Variants in RANBP17 observed in about 807,000 individuals in gnomAD.
The protein encoded by RANBP17 is RAN binding protein 17.
A neutral mutation model predicts 141.2 loss-of-function variants in RANBP17; 158 were observed. That is an observed-to-expected ratio of 1.12 (90% CI 0.98 to 1.28). The LOEUF (loss-of-function observed/expected upper bound fraction) is 1.28, where lower values mean the gene tolerates loss of function less well. Among genes scored for constraint, RANBP17 ranks in the 50% most tolerant of loss-of-function variants. The probability of loss-of-function intolerance (pLI) is 0.00; values close to 1 mark genes in which losing one functional copy is unlikely to be tolerated. For synonymous variants in RANBP17, 430 were observed against 450.0 expected, an observed-to-expected ratio of 0.96 and a Z score of 0.56; for missense variants, 1,438 against 1,290.7, an observed-to-expected ratio of 1.11 and a Z score of -1.75.
chr5:171,138,104 G>C lies in RANBP17; in HGVS notation c.1711-32026G>C, dbSNP rs562685174. Among the ~76,000 whole-genome samples the C allele has an allele frequency of 4.5e-4, 69 of 152,106 alleles. 1 individual carries two copies. The highest frequency in any genetic ancestry group is 8.7e-4 in the Non-Finnish European group (59 of 67,992). On this transcript the variant is annotated intron_variant, in intron 14 of 27. Transcript: ENST00000523189. ...ATAAAGAATGAACTAGATTGCCCTT[G>C]AGAACTTTTTAGACCCAAATTCTAG... is the stretch of plus-strand genomic sequence containing the variant.
chr5:171,286,441 T>C (rs1768176043), intron 25 of RANBP17, among the ~76,000 whole-genome samples: 2 of 152,274 alleles, frequency 1.3e-5, no homozygotes, highest in Admixed American at 6.5e-5. Flanking sequence ...AAATGCTAAA[T>C]ACTTTTATTA....
At chr5:171,232,533 T>C (rs867845243) in intron 22 of RANBP17, among the ~76,000 whole-genome samples, 48 of 152,146 alleles carry the variant, frequency 3.2e-4, no homozygotes, top group African/African-American at 1.1e-3. Context: ...AATATACCCA[T>C]GGGGGGGAAA....
rs547423154 is a variant in RANBP17 at position 171,089,788 on chromosome 5, G to A, written c.1711-80342G>A. Among the ~76,000 whole-genome samples the A allele has an allele frequency of 3.3e-3, 508 of 152,092 alleles. 2 individuals are homozygous for A. The highest frequency in any genetic ancestry group is 5.6e-3 in the Non-Finnish European group (378 of 67,954). ...ACTCCCTGACCCCTTGCACTTCCCA[G>A]GTGAGGCAATGCCTCGCCCTGCTTA... On this transcript the variant is annotated intron_variant, in intron 14 of 27. Coordinates refer to ENST00000523189, the MANE Select transcript of RANBP17 (RefSeq NM_022897.5).
intron 14 of RANBP17, among the ~76,000 whole-genome samples, chr5:171,017,324 G>A (rs1780509630): frequency 6.6e-6 from 1 of 152,174 alleles, no homozygotes; most frequent in African/African-American, 2.4e-5. Context: ...TTGAGAAATT[G>A]CCATACTGTC....
At chr5:170,984,319 A>C (rs967363230) in intron 14 of RANBP17, among the ~76,000 whole-genome samples, 3 of 152,132 alleles carry the variant, frequency 2.0e-5, no homozygotes, top group African/African-American at 7.2e-5. Flanking sequence ...TCATGGAATA[A>C]AATATTCTAA....
At chr5:171,018,223 G>C (rs1458727574) in intron 14 of RANBP17, among the ~76,000 whole-genome samples, 2 of 152,222 alleles carry the variant, frequency 1.3e-5, no homozygotes, top group African/African-American at 2.4e-5. Flanking sequence ...GCTTAAGATT[G>C]TCTTGGCTAT....
intron 14 of RANBP17, among the ~76,000 whole-genome samples, chr5:171,142,270 C>G (rs1381165075): frequency 6.6e-6 from 1 of 152,084 alleles, no homozygotes; most frequent in African/African-American, 2.4e-5. Flanking sequence ...TAAGACTGGT[C>G]TCTTTTTCAT....
intron 14 of RANBP17, among the ~76,000 whole-genome samples, chr5:170,989,373 A>C (rs1270846222): frequency 6.6e-6 from 1 of 151,792 alleles, no homozygotes; most frequent in African/African-American, 2.4e-5. Flanking sequence ...AACATAAGTC[A>C]TAATAGCTAC....
At position 170,866,397 on chromosome 5, in the gene RANBP17, G is replaced by A. The variant is rs147442307; in HGVS notation, c.18+4346G>A. On this transcript the variant is annotated intron_variant, in intron 1 of 27. Transcript: ENST00000523189. ...ACTGAGAAGAAGGGACACTTAGGCC[G>A]GGCATGGTGGCTCACGCCTGTAATC... 9.4e-3 allele frequency among the ~76,000 whole-genome samples: 1,430 copies of A among 152,222 alleles called. 9 individuals carry two copies. Among genetic ancestry groups the A allele is most frequent in the Non-Finnish European group, 0.01 (691 of 68,014 alleles).
At chr5:171,227,596 A>G (rs535322050) in intron 22 of RANBP17, among the ~76,000 whole-genome samples, 38 of 152,354 alleles carry the variant, frequency 2.5e-4, no homozygotes, top group African/African-American at 8.2e-4. Flanking sequence ...GCTAAGATTC[A>G]TTTTGATGAA....
chr5:171,060,457 G>T (rs963426451), intron 14 of RANBP17, among the ~76,000 whole-genome samples: 2 of 151,816 alleles, frequency 1.3e-5, no homozygotes, highest in Non-Finnish European at 2.9e-5. Flanking sequence ...TTATATGCTG[G>T]ATTACATTTA....
In RANBP17 at chr5:171,241,000, T is replaced by G. The variant is rs1159763244; in HGVS notation, c.2495T>G (p.Ile832Ser). 1 of 1,614,032 alleles carries G rather than the reference T, an allele frequency of 6.2e-7. No individual in the cohort carries two copies. Among genetic ancestry groups the G allele is most frequent in the East Asian group, 2.2e-5 (1 of 44,870 alleles). Residue 832 changes from isoleucine (I) to serine (S), a missense_variant, in exon 23 of 28, where the codon ATC becomes AGC. Transcript: ENST00000523189. Reference protein sequence around the residue: ...IYPMKLKGISICYSALKSALC... With the variant: ...IYPMKLKGISSCYSALKSALC... ...CCAATGAAACTCAAGGGCATCTCCA[T>G]CTGCTATTCAGCTCTCAAGTCTGCC...
At chr5:170,953,776 G>T (rs919094356) in intron 13 of RANBP17, 74 bp downstream of exon 13, 2 of 941,014 alleles carry the variant, frequency 2.1e-6, no homozygotes, top group South Asian at 2.9e-5. Flanking sequence ...CTAGTATTAT[G>T]AGTGAAGACA....
chr5:171,104,095 T>A (rs778996461), intron 14 of RANBP17, among the ~76,000 whole-genome samples: 10 of 152,350 alleles, frequency 6.6e-5, no homozygotes, highest in Non-Finnish European at 4.4e-5. Flanking sequence ...TGAAGTGCAA[T>A]GGCACAATCT....
chr5:171,293,776 T>A, intron 25 of RANBP17, 107 bp from the exon 26 acceptor site: 1 of 819,786 alleles, frequency 1.2e-6, no homozygotes, highest in South Asian at 1.5e-5. Flanking sequence ...AGAGCTTTCA[T>A]AGCTGTTAGC....
intron 14 of RANBP17, among the ~76,000 whole-genome samples, chr5:171,063,639 G>T (rs961655906): frequency 6.6e-6 from 1 of 152,214 alleles, no homozygotes; most frequent in African/African-American, 2.4e-5. Flanking sequence ...GAGGCAGTCT[G>T]CCCGTTCTCA....
chr5:170,957,584 C>A (rs1304636962), intron 13 of RANBP17, among the ~76,000 whole-genome samples: 2 of 152,186 alleles, frequency 1.3e-5, no homozygotes, highest in Admixed American at 6.5e-5. Flanking sequence ...TGCCTTGTTT[C>A]AGCTCTTGTA....
At chr5:171,192,431 T>G (rs1163061425) in intron 18 of RANBP17, among the ~76,000 whole-genome samples, 2 of 152,134 alleles carry the variant, frequency 1.3e-5, no homozygotes, top group Non-Finnish European at 2.9e-5. Flanking sequence ...ATGAGACTTT[T>G]AGGGTGGGAT....
chr5:170,870,250 C>T (rs1479246582), intron 1 of RANBP17, among the ~76,000 whole-genome samples: 1 of 152,046 alleles, frequency 6.6e-6, no homozygotes, highest in African/African-American at 2.4e-5. Context: ...ACGTGCAGAA[C>T]GTGCAGGTTT....
Sources: gnomAD v4.1 joint callset for allele counts (sites outside exome capture counted in the v4.1 genomes callset) on GRCh38, gnomAD v4.1.1 for gene constraint, MANE v1.5 for transcripts, NCBI Gene and HGNC (gene_info 2026-07-23, HGNC 2026-07-21) for gene names.